Variants in PUS7 observed in about 807,000 individuals in gnomAD.
The protein encoded by PUS7 is pseudouridylate synthase 7 homolog.
In PUS7, 48 loss-of-function variants were observed where a neutral mutation model predicts 79.8. The ratio of observed to expected loss-of-function variants is 0.60; its 90% CI spans 0.48 to 0.76. The LOEUF (loss-of-function observed/expected upper bound fraction) is 0.76, where lower values mean the gene tolerates loss of function less well. PUS7 is among the 30% of genes least tolerant of loss of function. PUS7 has a pLI of 0.00. For missense variants in PUS7, 729 were observed against 797.6 expected, an observed-to-expected ratio of 0.91 and a Z score of 1.04; for synonymous variants, 286 against 272.2, an observed-to-expected ratio of 1.05 and a Z score of -0.50.
intron 7 of PUS7, 30 bp from the exon 8 acceptor site, chr7:105,482,470 C>CA (rs753789497): frequency 2.6e-6 from 4 of 1,533,746 alleles, no homozygotes; most frequent in Non-Finnish European, 3.5e-6. Flanking sequence ...AGCAACAAAA[C>CA]AAAAAAGAGT....
intron 9 of PUS7, among the ~76,000 whole-genome samples, chr7:105,480,153 C>A (rs906609484): frequency 4.6e-5 from 7 of 152,082 alleles, no homozygotes; most frequent in Admixed American, 3.3e-4. Context: ...ACTTACTGAG[C>A]CAAGACTTAC....
At chr7:105,458,208 G>C (rs770060955) in intron 15 of PUS7, among the ~76,000 whole-genome samples, 8 of 151,870 alleles carry the variant, frequency 5.3e-5, no homozygotes, top group Non-Finnish European at 1.2e-4. Context: ...AATAAATTAC[G>C]GCCTGGGAAA....
intron 1 of PUS7, among the ~76,000 whole-genome samples, chr7:105,521,233 TG>T (rs1025961955): frequency 7.1e-6 from 1 of 140,514 alleles, no homozygotes; most frequent in Non-Finnish European, 1.6e-5. Flanking sequence ...GGCTTGGGGA[TG>T]GGGGGGAGGG....
intron 5 of PUS7, chr7:105,496,882 G>T: frequency 9.8e-7 from 1 of 1,022,316 alleles, no homozygotes; most frequent in Non-Finnish European, 1.2e-6. Flanking sequence ...AAGCAAAGTT[G>T]TCTATACTTA....
intron 4 of PUS7, among the ~76,000 whole-genome samples, chr7:105,504,021 T>A (rs373255267): frequency 2.4e-3 from 366 of 151,762 alleles, no homozygotes; most frequent in Non-Finnish European, 4.4e-3. Context: ...ACCTGCAAGC[T>A]GAAAACATCG....
At chr7:105,489,367 C>T (rs1824693506) in intron 7 of PUS7, among the ~76,000 whole-genome samples, 1 of 151,904 alleles carries the variant, frequency 6.6e-6, no homozygotes. Flanking sequence ...CCCCCTACCC[C>T]CATTCTTCTG....
chr7:105,460,683 T>C (rs1586082174), intron 14 of PUS7, among the ~76,000 whole-genome samples: 4 of 150,942 alleles, frequency 2.7e-5, no homozygotes, highest in African/African-American at 9.7e-5. Flanking sequence ...TGAAACCCCG[T>C]CTCTACTAAA....
chr7:105,490,419 T>A (rs1336903368), intron 7 of PUS7, among the ~76,000 whole-genome samples: 1 of 152,132 alleles, frequency 6.6e-6, no homozygotes, highest in Admixed American at 6.5e-5. Flanking sequence ...AAATTCATCC[T>A]TTCTCTTTTA....
intron 5 of PUS7, among the ~76,000 whole-genome samples, chr7:105,496,510 A>G (rs1188602550): frequency 1.3e-5 from 2 of 152,128 alleles, no homozygotes; most frequent in African/African-American, 4.8e-5. Flanking sequence ...CTCTTCTTTT[A>G]AAAATAATCC....
intron 9 of PUS7, among the ~76,000 whole-genome samples, chr7:105,478,377 T>C (rs1467706763): frequency 1.3e-5 from 2 of 152,190 alleles, no homozygotes; most frequent in Non-Finnish European, 2.9e-5. Flanking sequence ...TTTATAACCT[T>C]TTGAGGAACT....
At position 105,457,754 on chromosome 7, in the gene PUS7, T is replaced by G; in HGVS notation, c.*36A>C. ...GCACAGGGAGCCAGGAAGCAAACAC[T>G]TGTGTACGTTTTCTAATCTGTGGAC... is the stretch of plus-strand genomic sequence containing the variant. On this transcript the variant is annotated 3_prime_UTR_variant, in exon 16 of 16. Coordinates refer to ENST00000469408, the MANE Select transcript of PUS7 (RefSeq NM_019042.5). The G allele has an allele frequency of 6.2e-7, 1 of 1,605,840 alleles. No homozygotes were observed. The highest frequency in any genetic ancestry group is 8.5e-7 in the Non-Finnish European group (1 of 1,175,216).
At chr7:105,500,609 A>T (rs1825207855) in intron 5 of PUS7, among the ~76,000 whole-genome samples, 1 of 152,234 alleles carries the variant, frequency 6.6e-6, no homozygotes, top group Admixed American at 6.5e-5. Context: ...CTGCTGACCA[A>T]CATGGGCTGT....
intron 7 of PUS7, among the ~76,000 whole-genome samples, chr7:105,490,490 C>A (rs1232150650): frequency 6.6e-6 from 1 of 152,052 alleles, no homozygotes; most frequent in Non-Finnish European, 1.5e-5. Context: ...ACGTCAATAG[C>A]CCTGGTCTCT....
At position 105,462,632 on chromosome 7, in the gene PUS7, C is replaced by T. The variant is rs760069122; in HGVS notation, c.1746G>A (p.Gln582=). Residue 582 remains glutamine (Q), a synonymous_variant, in exon 14 of 16, where the codon CAG becomes CAA. Coordinates refer to ENST00000469408, the MANE Select transcript of PUS7 (RefSeq NM_019042.5). ...GAYRKIIIRP[Q]NVSWEVVAYD... is the part of the protein sequence containing the mutation. ...AGATGATTACTCACCAGCTAACATT[C>T]TGAGGACGAATAATGATCTTTCGGT... 1 of 1,613,742 alleles carries T rather than the reference C, an allele frequency of 6.2e-7. No individual in the cohort carries two copies. The highest frequency in any genetic ancestry group is 1.7e-5 in the Admixed American group (1 of 59,948).
chr7:105,479,547 G>A (rs1481801092), intron 9 of PUS7, among the ~76,000 whole-genome samples: 1 of 152,164 alleles, frequency 6.6e-6, no homozygotes, highest in Non-Finnish European at 1.5e-5. Context: ...GTCTCTGCTG[G>A]GCAACAGGAT....
intron 7 of PUS7, among the ~76,000 whole-genome samples, chr7:105,487,337 T>C (rs868246690): frequency 2.0e-5 from 3 of 152,226 alleles, no homozygotes; most frequent in Admixed American, 1.3e-4. Flanking sequence ...ATAAACAGAA[T>C]CATACAATAT....
chr7:105,474,764 G>A (rs1563361511), intron 9 of PUS7, among the ~76,000 whole-genome samples: 1 of 152,174 alleles, frequency 6.6e-6, no homozygotes, highest in Non-Finnish European at 1.5e-5. Flanking sequence ...CTGGGCGACA[G>A]AGCAAGACTG....
At chr7:105,511,944 G>A (rs1272332849) in intron 1 of PUS7, among the ~76,000 whole-genome samples, 1 of 151,942 alleles carries the variant, frequency 6.6e-6, no homozygotes, top group East Asian at 1.9e-4. Context: ...AGGAGTTCGA[G>A]ACCAGCCTGA....
intron 10 of PUS7, among the ~76,000 whole-genome samples, chr7:105,471,358 GT>G (rs1160437763): frequency 6.6e-6 from 1 of 152,158 alleles, no homozygotes; most frequent in Non-Finnish European, 1.5e-5. Context: ...TTTTTGCCAA[GT>G]TTTTATATTC....
Sources: gnomAD v4.1 joint callset for allele counts (sites outside exome capture counted in the v4.1 genomes callset) on GRCh38, gnomAD v4.1.1 for gene constraint, MANE v1.5 for transcripts, NCBI Gene and HGNC (gene_info 2026-07-23, HGNC 2026-07-21) for gene names.